The following ELP3 variants were observed in gnomAD, a reference collection of about 807,000 sequenced individuals.
ELP3 encodes the protein elongator complex protein 3.
In ELP3, 56 loss-of-function variants were observed where a neutral mutation model predicts 74.9. The ratio of observed to expected loss-of-function variants is 0.75; its 90% CI spans 0.60 to 0.93. ELP3 has a LOEUF of 0.93. Among genes scored for constraint, ELP3 ranks in the 40% least tolerant of loss-of-function variants. The probability of loss-of-function intolerance (pLI) is 0.00; values close to 1 mark genes in which losing one functional copy is unlikely to be tolerated. For synonymous variants in ELP3, 222 were observed against 239.8 expected (o/e 0.93, Z 0.68); for missense variants, 573 against 686.5 (o/e 0.83, Z 1.85).
chr8:28,120,300 G>A (rs769537593), intron 7 of ELP3, among the ~76,000 whole-genome samples: 6 of 152,090 alleles, frequency 3.9e-5, no homozygotes, highest in Admixed American at 2.0e-4. Flanking sequence ...ATGGTATCTC[G>A]TGGTTTTAGT....
chr8:28,159,212 T>C (rs1047072385), intron 12 of ELP3, among the ~76,000 whole-genome samples: 1 of 152,230 alleles, frequency 6.6e-6, no homozygotes, highest in Non-Finnish European at 1.5e-5. Flanking sequence ...TCTTATAATG[T>C]CTAGCTGTAT....
intron 7 of ELP3, among the ~76,000 whole-genome samples, chr8:28,114,027 T>C (rs374639778): frequency 1.2e-4 from 19 of 152,230 alleles, no homozygotes; most frequent in African/African-American, 4.3e-4. Context: ...CAGGTTAGTA[T>C]GTAGTTCAGT....
intron 3 of ELP3, among the ~76,000 whole-genome samples, chr8:28,105,975 C>T (rs1585641401): frequency 6.6e-6 from 1 of 152,260 alleles, no homozygotes; most frequent in Middle Eastern, 3.4e-3. Flanking sequence ...TATTGAGATC[C>T]AGTGTGTTCA....
chr8:28,160,555 A>G (rs1156367923), intron 13 of ELP3, 99 bp downstream of exon 13: 6 of 1,019,974 alleles, frequency 5.9e-6, no homozygotes, highest in Non-Finnish European at 8.6e-6. Context: ...GCAGAGGAGC[A>G]GGAGAGGGGA....
intron 8 of ELP3, among the ~76,000 whole-genome samples, chr8:28,130,150 T>C (rs1214200836): frequency 6.6e-6 from 1 of 152,186 alleles, no homozygotes; most frequent in East Asian, 1.9e-4. Context: ...TGTTAGAGCT[T>C]TATTATGTTC....
intron 8 of ELP3, among the ~76,000 whole-genome samples, chr8:28,130,238 G>A (rs1812739186): frequency 6.6e-6 from 1 of 152,210 alleles, no homozygotes; most frequent in Non-Finnish European, 1.5e-5. Context: ...ACAGTTAATT[G>A]CTAAATTAGT....
In ELP3 at chr8:28,095,268, CAA is replaced by C. The variant is rs1811209224; in HGVS notation, c.20-1950_20-1949del. Among the ~76,000 whole-genome samples the C allele has an allele frequency of 3.9e-5, 6 of 152,252 alleles. No homozygotes were observed. The South Asian group carries it at 8.3e-4, about 21-fold the overall frequency. ...TTACTCTTCCAGTTCTTGATACACT[CAA>C]GAGCTATACAAGTGGTTTCCAAATC... is the stretch of plus-strand genomic sequence containing the variant. On this transcript the variant is annotated intron_variant, in intron 1 of 14. Coordinates refer to ENST00000256398, the MANE Select transcript of ELP3 (RefSeq NM_018091.6).
chr8:28,158,536 C>T, intron 11 of ELP3, 32 bp from the exon 12 acceptor site: 1 of 1,562,344 alleles, frequency 6.4e-7, no homozygotes. Context: ...CTCCCACCCC[C>T]CAACCCCGCT....
At position 28,106,717 on chromosome 8, in the gene ELP3, C is replaced by T. The variant is rs911574826; in HGVS notation, c.263C>T (p.Ala88Val). 1 of 1,612,082 alleles carries T rather than the reference C, an allele frequency of 6.2e-7. No homozygotes were observed. The highest frequency in any genetic ancestry group is 8.5e-7 in the Non-Finnish European group (1 of 1,179,090). The change falls in exon 4 of 15, where the codon GCT (alanine) becomes GTT (valine). Residue 88 changes from alanine to valine, a missense_variant. Coordinates refer to ENST00000256398, the MANE Select transcript of ELP3 (RefSeq NM_018091.6). ...TTATTCATCTTTCTTTTATAGATTG[C>T]TGTCGTGGCTGTGATGTGCAAACCC... is the stretch of plus-strand genomic sequence containing the variant. ...AKPIRTASGI[A>V]VVAVMCKPHR...
chr8:28,093,016 A>C, upstream of ELP3: 2 of 837,560 alleles, frequency 2.4e-6, no homozygotes, highest in Non-Finnish European at 3.9e-6. Flanking sequence ...TAGGGGCCTC[A>C]CGGGCCGCCT....
intron 9 of ELP3, among the ~76,000 whole-genome samples, chr8:28,137,462 C>T (rs1251148408): frequency 2.0e-5 from 3 of 152,120 alleles, no homozygotes; most frequent in Non-Finnish European, 4.4e-5. Context: ...TGAGATTGTG[C>T]AGGAGACAAG....
intron 3 of ELP3, 133 bp downstream of exon 3, chr8:28,100,099 T>C: frequency 9.0e-7 from 1 of 1,107,374 alleles, no homozygotes; most frequent in Non-Finnish European, 1.3e-6. Context: ...TATTAGGATA[T>C]GTGCTGGAGT....
Position 28,179,142 on chromosome 8 carries a change from C to A in ELP3, c.1568-10507C>A, listed in dbSNP as rs142282627. ...GACGCAGCTTCTGCAGGGCCAACTG[C>A]AACACTTGAGTGTGTGCAGATTTTG... On this transcript the variant is annotated intron_variant, in intron 14 of 14. Coordinates refer to ENST00000256398, the MANE Select transcript of ELP3 (RefSeq NM_018091.6). Among the ~76,000 whole-genome samples the A allele has an allele frequency of 2.4e-3, 369 of 152,346 alleles. 2 individuals carry two copies. The highest frequency in any genetic ancestry group is 3.6e-3 in the Non-Finnish European group (242 of 68,032).
chr8:28,171,720 C>T (rs769274700), intron 14 of ELP3, among the ~76,000 whole-genome samples: 1 of 152,070 alleles, frequency 6.6e-6, no homozygotes, highest in Non-Finnish European at 1.5e-5. Context: ...ATTTAAGAAA[C>T]CATTGCCAAG....
intron 14 of ELP3, among the ~76,000 whole-genome samples, chr8:28,164,785 A>G (rs1344534136): frequency 6.6e-6 from 1 of 152,160 alleles, no homozygotes; most frequent in African/African-American, 2.4e-5. Flanking sequence ...TAAGAACTTC[A>G]AGGAGGGCAG....
chr8:28,100,760 A>T (rs147357721), intron 3 of ELP3, among the ~76,000 whole-genome samples: 2 of 152,350 alleles, frequency 1.3e-5, no homozygotes, highest in African/African-American at 4.8e-5. Context: ...ACTAGCTTAG[A>T]TGCTCTTGGT....
intron 5 of ELP3, among the ~76,000 whole-genome samples, chr8:28,109,688 A>G (rs1414302654): frequency 6.6e-6 from 1 of 152,220 alleles, no homozygotes; most frequent in African/African-American, 2.4e-5. Flanking sequence ...CCTAGGCTGA[A>G]TTAATTTTAT....
At chr8:28,125,392 G>C (rs1466014291) in intron 7 of ELP3, among the ~76,000 whole-genome samples, 1 of 152,234 alleles carries the variant, frequency 6.6e-6, no homozygotes, top group Non-Finnish European at 1.5e-5. Flanking sequence ...TTGAGTTCTT[G>C]TGAGAGTTTA....
Position 28,162,082 on chromosome 8 carries a change from A to G in ELP3, c.1567+4A>G, listed in dbSNP as rs1423729880. ...GGGAAAATCGCTGTGATATCAGGTAACTGGGGGAGGGCGAAGTTCATGATT... is the reference window on the plus strand; with the variant it reads ...GGGAAAATCGCTGTGATATCAGGTAGCTGGGGGAGGGCGAAGTTCATGATT... On this transcript the variant is annotated splice_donor_region_variant and intron_variant, in intron 14 of 14. Transcript: ENST00000256398. The G allele has an allele frequency of 6.2e-7, 1 of 1,614,038 alleles. No homozygotes were observed. Among genetic ancestry groups the G allele is most frequent in the South Asian group, 1.1e-5 (1 of 91,054 alleles).
Sources: gnomAD v4.1 joint callset for allele counts (sites outside exome capture counted in the v4.1 genomes callset) on GRCh38, gnomAD v4.1.1 for gene constraint, MANE v1.5 for transcripts, NCBI Gene and HGNC (gene_info 2026-07-23, HGNC 2026-07-21) for gene names.